The following CDC42BPA variants were observed in gnomAD, a reference collection of about 807,000 sequenced individuals.
The protein encoded by CDC42BPA is CDC42 binding protein kinase alpha, also known as serine/threonine-protein kinase MRCK alpha.
Under a neutral mutation model 223.5 loss-of-function variants are expected in CDC42BPA, and 80 were observed. The observed-to-expected ratio is 0.36, with a 90% confidence interval of 0.30 to 0.43. The LOEUF (loss-of-function observed/expected upper bound fraction) is 0.43, where lower values mean the gene tolerates loss of function less well. Ranked by LOEUF, CDC42BPA falls within the 20% of genes least tolerant of loss-of-function variation. The pLI, the probability that CDC42BPA is intolerant of heterozygous loss-of-function variation, is 1.00. For missense variants in CDC42BPA, 1,743 were observed against 2,099.9 expected, an observed-to-expected ratio of 0.83 and a Z score of 3.32; for synonymous variants, 694 against 718.6, an observed-to-expected ratio of 0.97 and a Z score of 0.55.
At chr1:227,252,976 G>C (rs1381968697) in intron 2 of CDC42BPA, among the ~76,000 whole-genome samples, 1 of 152,070 alleles carries the variant, frequency 6.6e-6, no homozygotes, top group South Asian at 2.1e-4. Flanking sequence ...CACATATCCA[G>C]GAATAAATCT....
At chr1:227,083,133 A>G (rs1007557453) in intron 16 of CDC42BPA, among the ~76,000 whole-genome samples, 5 of 146,754 alleles carry the variant, frequency 3.4e-5, no homozygotes, top group African/African-American at 1.3e-4. Flanking sequence ...ACACTCTTCA[A>G]ATATTGCACT....
At chr1:227,121,519 T>C (rs568363345) in intron 11 of CDC42BPA, among the ~76,000 whole-genome samples, 1 of 152,330 alleles carries the variant, frequency 6.6e-6, no homozygotes, top group African/African-American at 2.4e-5. Context: ...ATTAATAGCA[T>C]AGTTAACTTT....
chr1:227,309,783 A>G (rs1278249424), intron 1 of CDC42BPA, among the ~76,000 whole-genome samples: 1 of 152,210 alleles, frequency 6.6e-6, no homozygotes, highest in Admixed American at 6.5e-5. Context: ...GTCATAATTA[A>G]GAGATCTCTC....
rs1681239617 is a variant in CDC42BPA at position 227,083,846 on chromosome 1, G to A, written c.2356-2829C>T. On this transcript the variant is annotated intron_variant, in intron 16 of 36. Coordinates refer to ENST00000366766, the MANE Select transcript of CDC42BPA (RefSeq NM_001394014.1). ...AGGCTTTCAATGGGTTCAACTGAAA[G>A]TTTGAATTATTTACTAAAGATCCTG... Among the ~76,000 whole-genome samples the A allele has an allele frequency of 3.3e-5, 5 of 152,148 alleles. 1 individual carries two copies. In the South Asian group the frequency reaches 1.0e-3, roughly 32 times the overall value.
intron 6 of CDC42BPA, 64 bp from the exon 7 acceptor site, chr1:227,147,623 T>A: frequency 2.3e-6 from 2 of 866,206 alleles, no homozygotes; most frequent in South Asian, 2.2e-5. Flanking sequence ...AATAGTTACT[T>A]AAGATACACA....
At chr1:227,008,348 G>A (rs1308122705) in intron 34 of CDC42BPA, among the ~76,000 whole-genome samples, 1 of 152,162 alleles carries the variant, frequency 6.6e-6, no homozygotes, top group Non-Finnish European at 1.5e-5. Context: ...ACACTTAAAA[G>A]ATGACTATCT....
intron 21 of CDC42BPA, among the ~76,000 whole-genome samples, chr1:227,058,154 A>G (rs1425749923): frequency 6.6e-6 from 1 of 152,236 alleles, no homozygotes; most frequent in Non-Finnish European, 1.5e-5. Context: ...CAGTTGAACT[A>G]GTAATCTTTC....
At chr1:227,066,393 AAAAAAAC>A (rs997325438) in intron 21 of CDC42BPA, among the ~76,000 whole-genome samples, 2 of 148,084 alleles carry the variant, frequency 1.4e-5, no homozygotes, top group African/African-American at 2.6e-5. Context: ...TGTCTCAAAA[AAAAAAAC>A]AAAAACAAAA....
chr1:227,168,349 T>C (rs1572102730), intron 5 of CDC42BPA, among the ~76,000 whole-genome samples: 1 of 152,150 alleles, frequency 6.6e-6, no homozygotes, highest in East Asian at 1.9e-4. Flanking sequence ...CTAATGAGAA[T>C]TCATCTCTTA....
chr1:227,230,772 T>C (rs1677710667), intron 2 of CDC42BPA, among the ~76,000 whole-genome samples: 1 of 151,746 alleles, frequency 6.6e-6, no homozygotes, highest in Non-Finnish European at 1.5e-5. Flanking sequence ...GATTTATCTC[T>C]TCCTGTCCAA....
At chr1:227,133,876 T>A (rs1031054769) in intron 10 of CDC42BPA, among the ~76,000 whole-genome samples, 4 of 151,978 alleles carry the variant, frequency 2.6e-5, no homozygotes, top group East Asian at 1.9e-4. Context: ...CTTTGTTCAC[T>A]TGTTTATCTG....
intron 1 of CDC42BPA, among the ~76,000 whole-genome samples, chr1:227,314,471 T>G (rs1325693491): frequency 6.6e-6 from 1 of 152,074 alleles, no homozygotes; most frequent in Non-Finnish European, 1.5e-5. Context: ...ATATCTGACT[T>G]TGAATTGTCA....
chr1:227,123,365 G>A (rs602521), intron 11 of CDC42BPA, among the ~76,000 whole-genome samples: 43,194 of 151,986 alleles, frequency 0.28, 6,350 homozygotes, highest in African/African-American at 0.35. Flanking sequence ...CTTAGCTCAC[G>A]GGTGCTATTT....
chr1:227,093,871 T>C (rs678580), intron 15 of CDC42BPA, among the ~76,000 whole-genome samples: 149,575 of 152,326 alleles, frequency 0.98, 73,453 homozygotes, highest in East Asian at 1. Flanking sequence ...AACTCTGAAC[T>C]CTCGTATTGC....
intron 21 of CDC42BPA, chr1:227,068,437 C>A (rs1295430324): frequency 6.2e-6 from 1 of 162,450 alleles, no homozygotes; most frequent in Non-Finnish European, 1.5e-5. Context: ...GATTCTACAA[C>A]AGTCAAAGCA....
chr1:226,996,673 T>G (rs571175972), intron 35 of CDC42BPA, among the ~76,000 whole-genome samples: 1 of 152,272 alleles, frequency 6.6e-6, no homozygotes, highest in African/African-American at 2.4e-5. Flanking sequence ...AGTATAAAGG[T>G]GTTGAATTTT....
intron 3 of CDC42BPA, among the ~76,000 whole-genome samples, chr1:227,206,786 T>C (rs1672809655): frequency 6.6e-6 from 1 of 152,202 alleles, no homozygotes; most frequent in African/African-American, 2.4e-5. Context: ...CTTTCAAATA[T>C]GGAATCAGTC....
chr1:227,119,219 T>C (rs16847132), intron 12 of CDC42BPA, among the ~76,000 whole-genome samples: 4,814 of 152,218 alleles, frequency 0.032, 228 homozygotes, highest in African/African-American at 0.11. Flanking sequence ...AGAAAAGTGT[T>C]TTCTCTAGTG....
chr1:227,168,857 C>T (rs989563729), intron 5 of CDC42BPA, among the ~76,000 whole-genome samples: 1 of 151,984 alleles, frequency 6.6e-6, no homozygotes, highest in Non-Finnish European at 1.5e-5. Flanking sequence ...AATTTGAGGC[C>T]ATTATTTCTT....
Sources: allele counts gnomAD v4.1 joint callset (sites outside exome capture counted in the v4.1 genomes callset), GRCh38; gene constraint gnomAD v4.1.1; transcripts MANE v1.5; gene names NCBI Gene and HGNC (gene_info 2026-07-23, HGNC 2026-07-21).